NFATC1: variants seen among roughly 807,000 people sequenced by gnomAD.
The protein encoded by NFATC1 is nuclear factor of activated T-cells, cytoplasmic 1.
Under a neutral mutation model 76.0 loss-of-function variants are expected in NFATC1, and 22 were observed. That is an observed-to-expected ratio of 0.29 (90% CI 0.21 to 0.41). The LOEUF (loss-of-function observed/expected upper bound fraction) is 0.41. Ranked by LOEUF, NFATC1 falls within the 10% of genes least tolerant of loss-of-function variation. The pLI is 1.00. For missense variants in NFATC1, 1,357 were observed against 1,337.7 expected (o/e 1.01, Z -0.23); for synonymous variants, 704 against 613.1 (o/e 1.15, Z -2.19).
intron 9 of NFATC1, among the ~76,000 whole-genome samples, chr18:79,519,414 C>G (rs1384144937): frequency 2.0e-5 from 3 of 152,124 alleles, no homozygotes; most frequent in Non-Finnish European, 2.9e-5. Context: ...CTCACTGCAG[C>G]CTCAACCTCC....
chr18:79,459,270 G>A (rs753009669), intron 6 of NFATC1, among the ~76,000 whole-genome samples: 12 of 152,356 alleles, frequency 7.9e-5, no homozygotes, highest in Middle Eastern at 3.4e-3. Context: ...GGGCCGCTCC[G>A]GCAAGGATGG....
chr18:79,494,111 C>G (rs112164869), intron 9 of NFATC1, among the ~76,000 whole-genome samples: 3 of 152,226 alleles, frequency 2.0e-5, no homozygotes, highest in African/African-American at 7.2e-5. Flanking sequence ...GAGGCTCAGA[C>G]GTCGACTCAC....
chr18:79,429,935 T>G (rs967881313), intron 2 of NFATC1, among the ~76,000 whole-genome samples: 2 of 152,226 alleles, frequency 1.3e-5, no homozygotes, highest in African/African-American at 2.4e-5. Flanking sequence ...ATCTTTTCCA[T>G]GTTTAAATGT....
At chr18:79,425,051 C>T (rs750558912) in intron 2 of NFATC1, among the ~76,000 whole-genome samples, 10 of 73,586 alleles carry the variant, frequency 1.4e-4, no homozygotes, top group Non-Finnish European at 1.2e-4. Context: ...CTCTCCGTCT[C>T]TGTTTCTCTC....
In NFATC1 at chr18:79,447,927, A is replaced by G. The variant is rs147335963; in HGVS notation, c.1387-855A>G. ...TTACCTCTCAAGACGCTGATGAGCA[A>G]CTCATCCCACAGAACAGCTGGTCCT... On this transcript the variant is annotated intron_variant, in intron 3 of 9. Transcript: ENST00000427363. 3.6e-3 allele frequency among the ~76,000 whole-genome samples: 545 copies of G among 152,294 alleles called. 10 individuals are homozygous for G. The highest frequency in any genetic ancestry group is 6.8e-3 in the African/African-American group (281 of 41,562).
At chr18:79,457,167 G>T (rs934048661) in intron 6 of NFATC1, among the ~76,000 whole-genome samples, 5 of 152,342 alleles carry the variant, frequency 3.3e-5, no homozygotes, top group African/African-American at 1.2e-4. Flanking sequence ...AGGACAGGTG[G>T]CCGGGCTGAA....
At chr18:79,419,325 A>G (rs2148229624) in intron 2 of NFATC1, among the ~76,000 whole-genome samples, 1 of 152,328 alleles carries the variant, frequency 6.6e-6, no homozygotes, top group East Asian at 1.9e-4. Flanking sequence ...TTTTACAGTC[A>G]GATCATGGAG....
chr18:79,435,736 TA>T (rs1032595484), intron 3 of NFATC1, among the ~76,000 whole-genome samples: 1 of 152,122 alleles, frequency 6.6e-6, no homozygotes, highest in Non-Finnish European at 1.5e-5. Flanking sequence ...CTTGAAACAG[TA>T]ATTAAAAATA....
chr18:79,444,747 G>A (rs565560175), intron 3 of NFATC1, among the ~76,000 whole-genome samples: 4 of 142,134 alleles, frequency 2.8e-5, no homozygotes, highest in South Asian at 4.2e-4. Flanking sequence ...ACACGTGCCC[G>A]ACCCCACAGA....
intron 9 of NFATC1, among the ~76,000 whole-genome samples, chr18:79,508,373 C>T (rs560316256): frequency 2.6e-5 from 4 of 152,124 alleles, no homozygotes; most frequent in South Asian, 2.1e-4. Flanking sequence ...CACAGGGCAG[C>T]GGCGTGCGTG....
At chr18:79,450,765 T>C (rs2087436404) in intron 4 of NFATC1, among the ~76,000 whole-genome samples, 189 bp from the exon 5 acceptor site, 1 of 152,200 alleles carries the variant, frequency 6.6e-6, no homozygotes, top group African/African-American at 2.4e-5. Context: ...TCAGATTCTC[T>C]CCTGCACTAG....
intron 9 of NFATC1, among the ~76,000 whole-genome samples, chr18:79,501,435 G>A (rs111249968): frequency 1.2e-4 from 18 of 152,302 alleles, no homozygotes; most frequent in African/African-American, 4.1e-4. Context: ...ATGCAGAGGT[G>A]GCCACTTTCA....
chr18:79,427,625 A>AGCTGGCCTCTGTGCGGTGGAGGCTGGACG (rs2086414937), intron 2 of NFATC1, among the ~76,000 whole-genome samples: 1 of 67,034 alleles, frequency 1.5e-5, no homozygotes, highest in Non-Finnish European at 2.7e-5. Context: ...AGAGCTGGAC[A>AGCTGGCCTCTGTGCGGTGGAGGCTGGACG]GCTGGCCTCT....
rs1159357882 is a variant in NFATC1 at position 79,483,300 on chromosome 18, C to T, written c.2093-2948C>T. ...CCAGCGTGACCTGGTCCTGGGGTGT[C>T]ATTCCGGCGTGACCTGGTTCCTGGG... On this transcript the variant is annotated intron_variant, in intron 8 of 9. Coordinates refer to ENST00000427363, the MANE Select transcript of NFATC1 (RefSeq NM_001278669.2). Among the ~76,000 whole-genome samples, 2 of 110,974 alleles carry T rather than the reference C, an allele frequency of 1.8e-5. 1 individual carries two copies. Among genetic ancestry groups the T allele is most frequent in the African/African-American group, 6.9e-5 (2 of 29,030 alleles). 72.8% of individuals were successfully genotyped at this position (110,974 alleles called of 152,430 possible).
Position 79,396,326 on chromosome 18 carries a change from C to T in NFATC1, c.102C>T (p.Gly34=), listed in dbSNP as rs780732210. ...GETLGPAPRA[G]GTMKSAEEEH... is the part of the protein sequence containing the mutation. ...CTTTGGGGCCCGCGCCGCGCGCCGGCGGCACCATGAAGTCAGCGGAGGAAG... is the reference window on the plus strand; with the variant it reads ...CTTTGGGGCCCGCGCCGCGCGCCGGTGGCACCATGAAGTCAGCGGAGGAAG... The change falls in exon 1 of 10, where the codon GGC becomes GGT. Residue 34 remains glycine, a synonymous_variant. Transcript: ENST00000427363. 62 of 1,408,212 alleles carry T rather than the reference C, an allele frequency of 4.4e-5. No homozygotes were observed. The South Asian group carries it at 5.0e-4, about 11-fold the overall frequency. 87.2% of individuals were successfully genotyped at this position (1,408,212 alleles called of 1,614,324 possible). A position where few individuals can be genotyped will look rare whatever the true frequency, so the allele number is the denominator to read the frequency against.
rs2086216795 is a variant in NFATC1, at chr18:79,424,559, C to CTCCA, written c.1227-9018_1227-9017insCATC. On this transcript the variant is annotated intron_variant, in intron 2 of 9. Transcript: ENST00000427363. ...CCTGTCTCTCTCTCTGTCTCTGTCT[C>CTCCA]TCTCTGTCTCTGTCTCTCCATCTCT... Among the ~76,000 whole-genome samples the CTCCA allele has an allele frequency of 1.3e-5, 2 of 151,718 alleles. 1 individual carries two copies. The highest frequency in any genetic ancestry group is 4.2e-4 in the South Asian group (2 of 4,806).
At chr18:79,429,269 C>A (rs1271328379) in intron 2 of NFATC1, among the ~76,000 whole-genome samples, 3 of 151,282 alleles carry the variant, frequency 2.0e-5, no homozygotes, top group Non-Finnish European at 4.4e-5. Context: ...GAGAAAAACA[C>A]CCTTTGGCTC....
chr18:79,484,455 C>T (rs1045518461), intron 8 of NFATC1, among the ~76,000 whole-genome samples: 1 of 152,168 alleles, frequency 6.6e-6, no homozygotes, highest in Non-Finnish European at 1.5e-5. Flanking sequence ...CTTAGCCTCC[C>T]TACTCTGTGT....
chr18:79,407,609 G>A (rs1284862372), intron 1 of NFATC1, among the ~76,000 whole-genome samples: 6 of 152,150 alleles, frequency 3.9e-5, no homozygotes, highest in Non-Finnish European at 2.9e-5. Flanking sequence ...CACCATGCCT[G>A]GCTACTTGTA....
Sources: allele counts gnomAD v4.1 joint callset (sites outside exome capture counted in the v4.1 genomes callset), GRCh38; gene constraint gnomAD v4.1.1; transcripts MANE v1.5; gene names NCBI Gene and HGNC (gene_info 2026-07-23, HGNC 2026-07-21).